IL5RA: variants seen among roughly 807,000 people sequenced by gnomAD.
The protein encoded by IL5RA is interleukin-5 receptor subunit alpha.
IL5RA carries 49 observed loss-of-function variants against 50.0 expected under a neutral mutation model. The observed-to-expected ratio is 0.98, with a 90% confidence interval of 0.78 to 1.24. IL5RA has a LOEUF of 1.24. Ranked by LOEUF, IL5RA falls within the 50% of genes most tolerant of loss-of-function variation. The pLI is 0.00. For synonymous variants in IL5RA, 202 were observed against 174.0 expected, an observed-to-expected ratio of 1.16 and a Z score of -1.26; for missense variants, 600 against 500.4, an observed-to-expected ratio of 1.20 and a Z score of -1.90.
intron 7 of IL5RA, 49 bp downstream of exon 7, chr3:3,097,821 T>G: frequency 1.9e-6 from 3 of 1,568,410 alleles, no homozygotes; most frequent in African/African-American, 1.4e-5. Context: ...CTTCCAGTGC[T>G]GAGATTCCGA....
intron 5 of IL5RA, among the ~76,000 whole-genome samples, chr3:3,099,966 G>A (rs866157268): frequency 3.3e-5 from 5 of 152,134 alleles, no homozygotes; most frequent in Non-Finnish European, 5.9e-5. Flanking sequence ...GACCGCACCC[G>A]GCCAAGATTT....
intron 11 of IL5RA, among the ~76,000 whole-genome samples, chr3:3,071,183 G>C (rs999064593): frequency 6.6e-6 from 1 of 152,216 alleles, no homozygotes; most frequent in Non-Finnish European, 1.5e-5. Context: ...ACAGTGCCGT[G>C]TCTCGGGAAT....
intron 5 of IL5RA, among the ~76,000 whole-genome samples, chr3:3,098,952 G>T (rs1423567242): frequency 2.6e-5 from 4 of 152,178 alleles, no homozygotes; most frequent in African/African-American, 9.7e-5. Context: ...CTAGCTGTGA[G>T]ACATTGACCC....
chr3:3,071,676 G>A (rs1222156657), intron 11 of IL5RA, among the ~76,000 whole-genome samples: 1 of 148,138 alleles, frequency 6.8e-6, no homozygotes, highest in African/African-American at 2.5e-5. Context: ...TGCAACCTCC[G>A]CCTCCTGGGC....
In IL5RA at chr3:3,102,823, G is replaced by A. The variant is rs1426062512; in HGVS notation, c.83-3C>T. 1.9e-6 allele frequency: 3 copies of A among 1,596,104 alleles called. No homozygotes were observed. The highest frequency in any genetic ancestry group is 1.4e-5 in the African/African-American group (1 of 73,590). On this transcript the variant is annotated splice_region_variant and splice_polypyrimidine_tract_variant and intron_variant, in intron 3 of 11. Coordinates refer to ENST00000446632, the MANE Select transcript of IL5RA (RefSeq NM_175726.4). ...ATTGACAGGTGGGAGAAGTGAAACT[G>A]TTGATTCAAAGAATAAAGAAACAAC...
intron 11 of IL5RA, among the ~76,000 whole-genome samples, chr3:3,070,949 G>A (rs959570090): frequency 6.6e-5 from 10 of 152,038 alleles, no homozygotes; most frequent in African/African-American, 2.2e-4. Flanking sequence ...ATTGTTAAAT[G>A]TGCTTTGGCG....
intron 9 of IL5RA, among the ~76,000 whole-genome samples, chr3:3,077,641 C>T (rs1220811169): frequency 2.6e-5 from 4 of 152,086 alleles, no homozygotes; most frequent in African/African-American, 9.7e-5. Flanking sequence ...TGGTGGCAGG[C>T]ACCTGTAATC....
chr3:3,083,290 A>T (rs1307753358), intron 9 of IL5RA, among the ~76,000 whole-genome samples: 1 of 152,140 alleles, frequency 6.6e-6, no homozygotes, highest in Non-Finnish European at 1.5e-5. Context: ...AGGGCAGCAA[A>T]ATGCAGCCTC....
At position 3,110,275 on chromosome 3, in the gene IL5RA, G is replaced by A. The variant is rs1704120521; in HGVS notation, c.-476C>T. 6.6e-6 allele frequency: 1 copy of A among 152,178 alleles called. No individual in the cohort carries two copies. Among genetic ancestry groups the A allele is most frequent in the African/African-American group, 2.4e-5 (1 of 41,430 alleles). The allele number at this position is 152,178 out of a possible 1,614,324, so 9.4% of individuals were successfully genotyped here. ...TGCATTTTCACTCTCTTTCAGAGTT[G>A]GTTTGCTCTCTTCAGGAGTGGGAAT... On this transcript the variant is annotated 5_prime_UTR_variant, in exon 1 of 12. Transcript: ENST00000446632.
chr3:3,074,898 G>GCA, intron 10 of IL5RA, 32 bp from the exon 11 acceptor site: 1 of 1,286,656 alleles, frequency 7.8e-7, no homozygotes, highest in South Asian at 1.2e-5. Context: ...AATTAGGTGA[G>GCA]CATGAGTATA....
chr3:3,107,289 T>G (rs1475351670), intron 2 of IL5RA, among the ~76,000 whole-genome samples: 1 of 151,286 alleles, frequency 6.6e-6, no homozygotes, highest in Admixed American at 6.6e-5. Flanking sequence ...TTACATAAGG[T>G]TGAATAGTAC....
rs947973791 is a variant in IL5RA at position 3,066,851 on chromosome 3, T to C, written c.*3374A>G. The C allele has an allele frequency of 2.0e-5, 3 of 152,300 alleles. No individual in the cohort carries two copies. The highest frequency in any genetic ancestry group is 7.2e-5 in the African/African-American group (3 of 41,448). The allele number at this position is 152,300 out of a possible 1,614,324, so 9.4% of individuals were successfully genotyped here. A position where few individuals can be genotyped will look rare whatever the true frequency, so the allele number is the denominator to read the frequency against. On this transcript the variant is annotated 3_prime_UTR_variant, in exon 12 of 12. Coordinates refer to ENST00000446632, the MANE Select transcript of IL5RA (RefSeq NM_175726.4). ...CTCCAGTCTCCCCAGCACTCCCCCA[T>C]GCTGCACGCAGTGAATTCCAAATGC... is the stretch of plus-strand genomic sequence containing the variant.
intron 11 of IL5RA, 116 bp downstream of exon 11, chr3:3,074,666 T>C: frequency 1.6e-6 from 1 of 610,390 alleles, no homozygotes; most frequent in Non-Finnish European, 2.9e-6. Context: ...GAAATGCTCC[T>C]GGCCTTCTGA....
chr3:3,101,559 T>C, intron 5 of IL5RA, 133 bp downstream of exon 5: 1 of 763,856 alleles, frequency 1.3e-6, no homozygotes, highest in Admixed American at 3.0e-5. Flanking sequence ...GGTTAGGATG[T>C]TGTTGATATG....
At chr3:3,089,908 C>G (rs998983029) in intron 9 of IL5RA, 3 of 248,898 alleles carry the variant, frequency 1.2e-5, no homozygotes, top group Non-Finnish European at 2.3e-5. Flanking sequence ...CCACCGCACC[C>G]ATCCCCAAGA....
At chr3:3,087,029 T>C (rs1702894107) in intron 9 of IL5RA, among the ~76,000 whole-genome samples, 1 of 152,072 alleles carries the variant, frequency 6.6e-6, no homozygotes, top group African/African-American at 2.4e-5. Context: ...CACAGAGGCA[T>C]ACAGAGTGGT....
At chr3:3,085,656 G>A (rs1702826648) in intron 9 of IL5RA, among the ~76,000 whole-genome samples, 1 of 152,132 alleles carries the variant, frequency 6.6e-6, no homozygotes, top group South Asian at 2.1e-4. Flanking sequence ...TCACACATCA[G>A]CCCATGAATA....
chr3:3,084,115 G>T (rs558365742), intron 9 of IL5RA, among the ~76,000 whole-genome samples: 2 of 151,416 alleles, frequency 1.3e-5, no homozygotes, highest in African/African-American at 4.9e-5. Context: ...AGTGACCTTC[G>T]GCAGGGTAGC....
At chr3:3,085,073 G>C (rs1241871006) in intron 9 of IL5RA, among the ~76,000 whole-genome samples, 1 of 152,242 alleles carries the variant, frequency 6.6e-6, no homozygotes, top group South Asian at 2.1e-4. Context: ...ATGACCACAG[G>C]CGTGAGGCAG....
Sources: gnomAD v4.1 joint callset for allele counts (sites outside exome capture counted in the v4.1 genomes callset) on GRCh38, gnomAD v4.1.1 for gene constraint, MANE v1.5 for transcripts, NCBI Gene and HGNC (gene_info 2026-07-23, HGNC 2026-07-21) for gene names.